CNMD: variants seen among roughly 807,000 people sequenced by gnomAD.
CNMD encodes chondromodulin, also known as leukocyte cell-derived chemotaxin 1.
In CNMD, 30 loss-of-function variants were observed where a neutral mutation model predicts 37.5. The observed-to-expected ratio is 0.80, with a 90% CI of 0.60 to 1.09. CNMD has a LOEUF of 1.09. CNMD is among the 50% of genes least tolerant of loss of function. CNMD has a pLI of 0.00. For missense variants in CNMD, 398 were observed against 423.9 expected, an observed-to-expected ratio of 0.94 and a Z score of 0.54; for synonymous variants, 167 against 148.2, an observed-to-expected ratio of 1.13 and a Z score of -0.92.
intron 2 of CNMD, among the ~76,000 whole-genome samples, chr13:52,735,265 C>G (rs1453939118): frequency 1.3e-5 from 2 of 152,186 alleles, no homozygotes; most frequent in Non-Finnish European, 2.9e-5. Context: ...GTCCGGTGCT[C>G]TCTGAGCAGC....
Position 52,739,172 on chromosome 13 carries a change from CT to C in CNMD, c.73-2del. 6.7e-7 allele frequency: 1 copy of C among 1,486,634 alleles called. No homozygotes were observed. The highest frequency in any genetic ancestry group is 8.9e-7 in the Non-Finnish European group (1 of 1,124,734). The allele number at this position is 1,486,634 out of a possible 1,614,324, so 92.1% of individuals were successfully genotyped here. A position where few individuals can be genotyped will look rare whatever the true frequency, so the allele number is the denominator to read the frequency against. Reference sequence around the variant, plus strand: ...GCTTCACCGTCAGCGTAGCGTACGCCTGCGGGCCGGGGCGGGAGAGGGACCG... The same window carrying C: ...GCTTCACCGTCAGCGTAGCGTACGCCGCGGGCCGGGGCGGGAGAGGGACCG... On this transcript the variant is annotated splice_acceptor_variant, in intron 1 of 6. Transcript: ENST00000377962. LOFTEE classifies it high-confidence loss of function. The surrounding 1 kb of genome is among the most constrained non-coding windows in gnomAD (Gnocchi z 5.4).
At chr13:52,732,807 A>G (rs1486828209) in intron 3 of CNMD, among the ~76,000 whole-genome samples, 3 of 152,198 alleles carry the variant, frequency 2.0e-5, no homozygotes, top group African/African-American at 7.2e-5. Flanking sequence ...ACTTTTATAT[A>G]ATTCCAAGAA....
rs191856509 is a variant in CNMD at position 52,731,378 on chromosome 13, G to A, written c.354+1841C>T. On this transcript the variant is annotated intron_variant, in intron 3 of 6. Transcript: ENST00000377962. The stretch of plus-strand genomic sequence containing the variant: ...CAATAAATGCTTCTTGAATTTGACC[G>A]TTGATTCAAAATACAGGAGAAAGTA... 6.6e-5 allele frequency among the ~76,000 whole-genome samples: 10 copies of A among 152,210 alleles called. No homozygotes were observed. In the South Asian group the frequency reaches 8.3e-4, roughly 13 times the overall value.
intron 6 of CNMD, among the ~76,000 whole-genome samples, chr13:52,704,480 C>T (rs1964142754): frequency 1.3e-5 from 2 of 151,736 alleles, no homozygotes; most frequent in South Asian, 4.2e-4. Flanking sequence ...CACAAGATTA[C>T]ATTGGTGAAG....
intron 4 of CNMD, among the ~76,000 whole-genome samples, chr13:52,717,705 G>A (rs1964413525): frequency 6.6e-6 from 1 of 152,174 alleles, no homozygotes; most frequent in South Asian, 2.1e-4. Context: ...CTTGATCGTT[G>A]TGGATAAGCT....
intron 3 of CNMD, 143 bp from the exon 4 acceptor site, chr13:52,724,253 C>G: frequency 1.5e-6 from 1 of 661,688 alleles, no homozygotes; most frequent in Non-Finnish European, 2.7e-6. Context: ...TGGAACTTAC[C>G]TTTTAGCATT....
In CNMD at chr13:52,731,866, C is replaced by T. The variant is rs539578878; in HGVS notation, c.354+1353G>A. On this transcript the variant is annotated intron_variant, in intron 3 of 6. Transcript: ENST00000377962. ...AAAGAAAAAATGATTTTACCCTGTC[C>T]TGGGTCTTGCAGTAAAAGCCTTTAA... is the stretch of plus-strand genomic sequence containing the variant. Among the ~76,000 whole-genome samples the T allele has an allele frequency of 7.2e-5, 11 of 152,272 alleles. No individual in the cohort carries two copies. In the East Asian group the frequency reaches 2.1e-3, roughly 29 times the overall value.
At chr13:52,736,041 T>G (rs1964755762) in intron 2 of CNMD, among the ~76,000 whole-genome samples, 1 of 150,990 alleles carries the variant, frequency 6.6e-6, no homozygotes, top group East Asian at 2.0e-4. Flanking sequence ...TCGCCCAGGC[T>G]GGAGTGCAGT....
intron 5 of CNMD, 64 bp from the exon 6 acceptor site, chr13:52,708,766 A>T: frequency 7.6e-7 from 1 of 1,323,706 alleles, no homozygotes; most frequent in Non-Finnish European, 1.0e-6. Flanking sequence ...ATCTGTGTTT[A>T]TCAGGGTGAA....
At chr13:52,728,358 CAG>C (rs1458005111) in intron 3 of CNMD, among the ~76,000 whole-genome samples, 1 of 124,804 alleles carries the variant, frequency 8.0e-6, no homozygotes, top group African/African-American at 3.1e-5. Context: ...AGCCTGGCGA[CAG>C]AGCGAGACTC....
In CNMD at chr13:52,712,747, A is replaced by T. The variant is rs1964310141; in HGVS notation, c.591T>A (p.Pro197=). ...GATAGGTTGGTTTAAGCCAGAAAAT[A>T]GGAAGGTCACCGCAGAGTTCTAACA... ...SKVLELCGDL[P]IFWLKPTYPK... Residue 197 remains proline, a synonymous_variant, in exon 5 of 7, where the codon CCT becomes CCA. Coordinates refer to ENST00000377962, the MANE Select transcript of CNMD (RefSeq NM_007015.3). 1 of 1,536,372 alleles carries T rather than the reference A, an allele frequency of 6.5e-7. No homozygotes were observed. Among genetic ancestry groups the T allele is most frequent in the Non-Finnish European group, 8.8e-7 (1 of 1,141,526 alleles).
chr13:52,724,234 C>T, intron 3 of CNMD, 124 bp from the exon 4 acceptor site: 2 of 714,688 alleles, frequency 2.8e-6, no homozygotes, highest in Non-Finnish European at 4.9e-6. Flanking sequence ...AGAGATGGAA[C>T]TGCCCTCATG....
intron 4 of CNMD, among the ~76,000 whole-genome samples, chr13:52,719,058 A>C (rs1357366667): frequency 6.6e-6 from 1 of 152,184 alleles, no homozygotes. Context: ...TTCTGGTTGC[A>C]TTGATCCTTT....
At chr13:52,721,182 A>G (rs1442965149) in intron 4 of CNMD, among the ~76,000 whole-genome samples, 1 of 152,072 alleles carries the variant, frequency 6.6e-6, no homozygotes, top group Non-Finnish European at 1.5e-5. Flanking sequence ...GTCGACTTCA[A>G]ACTGCTGTGC....
chr13:52,735,258 C>T (rs372328031), intron 2 of CNMD, among the ~76,000 whole-genome samples: 2 of 152,106 alleles, frequency 1.3e-5, no homozygotes, highest in Admixed American at 6.6e-5. Flanking sequence ...CTGTTCTGTC[C>T]GGTGCTCTCT....
chr13:52,718,246 G>T (rs1188854955), intron 4 of CNMD, among the ~76,000 whole-genome samples: 3 of 152,024 alleles, frequency 2.0e-5, no homozygotes, highest in African/African-American at 4.8e-5. Context: ...TTCTTTATTA[G>T]TCTGGCTAGT....
chr13:52,703,297 C>T lies in CNMD; in HGVS notation c.*298G>A. The stretch of plus-strand genomic sequence containing the variant: ...AAACTGTAAATTTTCATGTTTATTT[C>T]AAAATAGCTTTGGAAGATACAAGCA... On this transcript the variant is annotated 3_prime_UTR_variant, in exon 7 of 7. Coordinates refer to ENST00000377962, the MANE Select transcript of CNMD (RefSeq NM_007015.3). The T allele has an allele frequency of 4.0e-6, 1 of 250,268 alleles. No homozygotes were observed. The highest frequency in any genetic ancestry group is 7.6e-6 in the Non-Finnish European group (1 of 131,262). 15.5% of individuals were successfully genotyped at this position (250,268 alleles called of 1,614,324 possible).
At chr13:52,732,083 T>C (rs1964682108) in intron 3 of CNMD, among the ~76,000 whole-genome samples, 2 of 152,322 alleles carry the variant, frequency 1.3e-5, no homozygotes, top group Non-Finnish European at 2.9e-5. Context: ...CTGTTGGGTA[T>C]TCAAATGGAC....
chr13:52,716,711 C>G (rs117029945), intron 4 of CNMD, among the ~76,000 whole-genome samples: 1,624 of 152,148 alleles, frequency 0.011, 22 homozygotes, highest in South Asian at 0.017. Flanking sequence ...ATCCATATAC[C>G]TGTTTTGGTA....
Sources: allele counts gnomAD v4.1 joint callset (sites outside exome capture counted in the v4.1 genomes callset), GRCh38; gene constraint gnomAD v4.1.1; non-coding constraint Gnocchi (gnomAD v3.1); transcripts MANE v1.5; gene names NCBI Gene and HGNC (gene_info 2026-07-23, HGNC 2026-07-21).